The following ZFAND3 variants were observed in gnomAD, a reference collection of about 807,000 sequenced individuals.
The protein encoded by ZFAND3 is zinc finger AN1-type containing 3.
A neutral mutation model predicts 29.6 loss-of-function variants in ZFAND3; 10 were observed. The observed-to-expected ratio is 0.34, with a 90% confidence interval of 0.21 to 0.57. ZFAND3 has a LOEUF of 0.57. Ranked by LOEUF, ZFAND3 falls within the 20% of genes least tolerant of loss-of-function variation. ZFAND3 has a pLI of 0.86. For missense variants in ZFAND3, 230 were observed against 304.5 expected, an observed-to-expected ratio of 0.76 and a Z score of 1.82; for synonymous variants, 128 against 112.6, an observed-to-expected ratio of 1.14 and a Z score of -0.87.
chr6:37,891,876 A>G (rs1765111680), intron 1 of ZFAND3, among the ~76,000 whole-genome samples: 2 of 151,964 alleles, frequency 1.3e-5, no homozygotes, highest in Admixed American at 1.3e-4. Flanking sequence ...TTACAGGTGC[A>G]TGCTGCCATA....
intron 2 of ZFAND3, among the ~76,000 whole-genome samples, chr6:37,933,759 T>C (rs1761640428): frequency 6.6e-6 from 1 of 152,056 alleles, no homozygotes. Context: ...AGAGGTTTTT[T>C]TGTTTGTTTG....
intron 1 of ZFAND3, among the ~76,000 whole-genome samples, chr6:37,863,413 T>TA (rs1435873308): frequency 6.6e-6 from 1 of 152,234 alleles, no homozygotes; most frequent in African/African-American, 2.4e-5. Flanking sequence ...AAACCGCAAT[T>TA]ACTTTTGCAC....
At chr6:37,865,605 T>TG (rs1245498534) in intron 1 of ZFAND3, among the ~76,000 whole-genome samples, 1 of 152,250 alleles carries the variant, frequency 6.6e-6, no homozygotes, top group Non-Finnish European at 1.5e-5. Flanking sequence ...ATATTTTACA[T>TG]GCATTGCAAC....
chr6:38,048,832 C>A (rs2127459178), intron 2 of ZFAND3, among the ~76,000 whole-genome samples: 1 of 152,092 alleles, frequency 6.6e-6, no homozygotes, highest in South Asian at 2.1e-4. Context: ...TCTAAACTTT[C>A]CTGTTTGTTC....
intron 2 of ZFAND3, among the ~76,000 whole-genome samples, chr6:37,977,303 T>C (rs1460597495): frequency 2.0e-5 from 3 of 152,206 alleles, no homozygotes; most frequent in Non-Finnish European, 4.4e-5. Flanking sequence ...TATTTATTTA[T>C]GTATTTATTT....
chr6:38,071,590 C>G (rs1764455741), intron 3 of ZFAND3, among the ~76,000 whole-genome samples: 1 of 151,986 alleles, frequency 6.6e-6, no homozygotes, highest in Non-Finnish European at 1.5e-5. Context: ...TAGTATGTAT[C>G]AGTAGCTTCT....
chr6:37,883,507 C>A (rs1041413305), intron 1 of ZFAND3, among the ~76,000 whole-genome samples: 2 of 116,860 alleles, frequency 1.7e-5, no homozygotes, highest in Non-Finnish European at 3.4e-5. Flanking sequence ...TAGAAATCTA[C>A]CCCATATTTA....
intron 1 of ZFAND3, among the ~76,000 whole-genome samples, chr6:37,824,704 A>G (rs1763728167): frequency 6.6e-6 from 1 of 152,210 alleles, no homozygotes; most frequent in Non-Finnish European, 1.5e-5. Context: ...CATTGTTTTG[A>G]TTTTAAAAAA....
intron 2 of ZFAND3, among the ~76,000 whole-genome samples, chr6:37,954,539 C>G (rs1198138657): frequency 6.6e-6 from 1 of 152,140 alleles, no homozygotes; most frequent in Admixed American, 6.5e-5. Context: ...GTCCTTGTCT[C>G]CCGTCTAGCT....
intron 2 of ZFAND3, among the ~76,000 whole-genome samples, chr6:37,961,516 C>T (rs1458209449): frequency 6.6e-6 from 1 of 152,230 alleles, no homozygotes; most frequent in African/African-American, 2.4e-5. Flanking sequence ...ACAGAGGTGA[C>T]AGCCAGGGTG....
At chr6:38,031,861 T>A (rs1581854747) in intron 2 of ZFAND3, among the ~76,000 whole-genome samples, 1 of 113,804 alleles carries the variant, frequency 8.8e-6, no homozygotes, top group Non-Finnish European at 1.7e-5. Flanking sequence ...TGTCCCAGGG[T>A]CTTGCTGTAT....
chr6:38,144,207 A>AT (rs1766042158), intron 5 of ZFAND3, among the ~76,000 whole-genome samples: 6 of 43,674 alleles, frequency 1.4e-4, no homozygotes, highest in African/African-American at 5.4e-4. Flanking sequence ...ATATATATAT[A>AT]TATAATATAT....
chr6:38,135,393 G>T (rs550262893), intron 5 of ZFAND3, among the ~76,000 whole-genome samples: 12 of 152,328 alleles, frequency 7.9e-5, no homozygotes, highest in South Asian at 4.1e-4. Context: ...CTACATCTCC[G>T]TGTTTTGTGC....
chr6:38,097,031 G>T (rs1281447932), intron 4 of ZFAND3, among the ~76,000 whole-genome samples: 2 of 152,018 alleles, frequency 1.3e-5, no homozygotes, highest in African/African-American at 4.8e-5. Flanking sequence ...GCAAAGCTTG[G>T]TTTTCTGTTG....
chr6:37,891,155 TCA>T (rs1765090683), intron 1 of ZFAND3, among the ~76,000 whole-genome samples: 1 of 152,214 alleles, frequency 6.6e-6, no homozygotes, highest in Non-Finnish European at 1.5e-5. Flanking sequence ...ATAAATGGAA[TCA>T]TACAATACGT....
intron 1 of ZFAND3, among the ~76,000 whole-genome samples, chr6:37,854,232 T>G (rs1764335836): frequency 6.6e-6 from 1 of 152,210 alleles, no homozygotes; most frequent in Non-Finnish European, 1.5e-5. Flanking sequence ...ATTACAAGCG[T>G]GATCCACTGC....
Position 37,954,476 on chromosome 6 carries a change from A to G in ZFAND3, c.112+24477A>G, listed in dbSNP as rs533972870. ...GCTAATCCCATCCAGTGTATTTTCA[A>G]TCTCACATGCTACAGTTTCCATCTC... On this transcript the variant is annotated intron_variant, in intron 2 of 5. Coordinates refer to ENST00000287218, the MANE Select transcript of ZFAND3 (RefSeq NM_021943.3). Among the ~76,000 whole-genome samples, 3 of 152,154 alleles carry G rather than the reference A, an allele frequency of 2.0e-5. No homozygotes were observed. The South Asian group carries it at 6.2e-4, about 32-fold the overall frequency.
At chr6:38,150,824 T>C (rs1373824812) in intron 5 of ZFAND3, among the ~76,000 whole-genome samples, 6 of 152,176 alleles carry the variant, frequency 3.9e-5, no homozygotes, top group Non-Finnish European at 7.3e-5. Flanking sequence ...GGAGAGTGTT[T>C]GCTTGGGCAG....
At chr6:37,908,228 A>G (rs1765445369) in intron 1 of ZFAND3, among the ~76,000 whole-genome samples, 1 of 152,192 alleles carries the variant, frequency 6.6e-6, no homozygotes, top group Non-Finnish European at 1.5e-5. Context: ...GTTTTAGGTT[A>G]AACATTTTGA....
Sources: allele counts gnomAD v4.1 joint callset (sites outside exome capture counted in the v4.1 genomes callset), GRCh38; gene constraint gnomAD v4.1.1; transcripts MANE v1.5; gene names NCBI Gene and HGNC (gene_info 2026-07-23, HGNC 2026-07-21).